The following ITPRID2 variants were observed in gnomAD, a reference collection of about 807,000 sequenced individuals.
The protein encoded by ITPRID2 is ITPR interacting domain containing 2.
Under a neutral mutation model 124.3 loss-of-function variants are expected in ITPRID2, and 60 were observed. The observed-to-expected ratio is 0.48, with a 90% confidence interval of 0.39 to 0.60. The LOEUF is 0.60. ITPRID2 is among the 20% of genes least tolerant of loss of function. The pLI, the probability that ITPRID2 is intolerant of heterozygous loss-of-function variation, is 0.00. For synonymous variants in ITPRID2, 521 were observed against 542.9 expected, an observed-to-expected ratio of 0.96 and a Z score of 0.56; for missense variants, 1,553 against 1,512.2, an observed-to-expected ratio of 1.03 and a Z score of -0.45.
chr2:181,915,660 A>G lies in ITPRID2; in HGVS notation c.2020A>G (p.Ser674Gly), dbSNP rs372607793. The stretch of plus-strand genomic sequence containing the variant: ...ATTGGCTTCTATTGAAGCTAAATGC[A>G]GTGATATGAGCTCTGAAAATACAAC... Reference protein sequence around the residue: ...KSLASIEAKCSDMSSENTTGP... With the variant: ...KSLASIEAKCGDMSSENTTGP... The change falls in exon 11 of 18, where the codon AGT becomes GGT. Residue 674 changes from serine (S) to glycine (G), a missense_variant. Physicochemically the swap from Ser to Gly is moderately conservative, Grantham distance 56. Transcript: ENST00000431877. 50 of 1,614,102 alleles carry G rather than the reference A, an allele frequency of 3.1e-5. No individual in the cohort carries two copies. Among genetic ancestry groups the G allele is most frequent in the African/African-American group, 9.3e-5 (7 of 74,938 alleles).
At chr2:181,898,090 T>C (rs1692357647) in intron 4 of ITPRID2, among the ~76,000 whole-genome samples, 1 of 152,066 alleles carries the variant, frequency 6.6e-6, no homozygotes. Context: ...TATGTTGTTT[T>C]ACTGAAAATT....
chr2:181,892,196 A>G lies in ITPRID2; in HGVS notation c.130A>G (p.Thr44Ala). The G allele has an allele frequency of 6.4e-7, 1 of 1,552,906 alleles. No individual in the cohort carries two copies. The change falls in exon 1 of 18, where the codon ACA (threonine) becomes GCA (alanine). Residue 44 changes from threonine to alanine, a missense_variant. Coordinates refer to ENST00000431877, the MANE Select transcript of ITPRID2 (RefSeq NM_001130445.3). This position sits in a 1 kb window ranked among gnomAD's most constrained non-coding sequence, Gnocchi z 5.2. ...AGCGTCGGAGACGGAGGATCTGTCC[A>G]CAGAAGCGACGACGCAGGACGAGGA... ...WQASETEDLS[T>A]EATTQDEEED...
chr2:181,892,050 G>A lies in ITPRID2; in HGVS notation c.-17G>A, dbSNP rs1258613068. The A allele has an allele frequency of 6.5e-7, 1 of 1,547,588 alleles. No homozygotes were observed. The highest frequency in any genetic ancestry group is 1.4e-5 in the African/African-American group (1 of 72,978). ...CGCGCAGGGTCCGGCTGGGGTAGCGGAGCCCCCAGTGCGGCCATGGACCGG... is the reference window on the plus strand; with the variant it reads ...CGCGCAGGGTCCGGCTGGGGTAGCGAAGCCCCCAGTGCGGCCATGGACCGG... On this transcript the variant is annotated 5_prime_UTR_variant, in exon 1 of 18. Transcript: ENST00000431877. This position sits in a 1 kb window ranked among gnomAD's most constrained non-coding sequence, Gnocchi z 5.2.
rs191771050 is a variant in ITPRID2 at position 181,902,285 on chromosome 2, G to T, written c.1232G>T (p.Gly411Val). The T allele has an allele frequency of 5.3e-5, 86 of 1,613,828 alleles. No individual in the cohort carries two copies. The highest frequency in any genetic ancestry group is 7.1e-5 in the Non-Finnish European group (84 of 1,179,884). Reference protein sequence around the residue: ...SHESKLGEESGIVESKLDSDF... With the variant: ...SHESKLGEESVIVESKLDSDF... Reference sequence around the variant, plus strand: ...GAGAGTAAACTGGGTGAGGAATCTGGTATTGTAGAATCCAAATTAGATAGT... The same window carrying T: ...GAGAGTAAACTGGGTGAGGAATCTGTTATTGTAGAATCCAAATTAGATAGT... The change falls in exon 8 of 18, where the codon GGT becomes GTT. Residue 411 changes from glycine (G) to valine (V), a missense_variant. Gly to Val is a moderately radical substitution (Grantham distance 109, BLOSUM62 -3). Coordinates refer to ENST00000431877, the MANE Select transcript of ITPRID2 (RefSeq NM_001130445.3). This position sits in a 1 kb window ranked among gnomAD's most constrained non-coding sequence, Gnocchi z 4.4.
In ITPRID2 at chr2:181,929,615, G is replaced by A; in HGVS notation, c.*68G>A. On this transcript the variant is annotated 3_prime_UTR_variant, in exon 18 of 18. Transcript: ENST00000431877. The stretch of plus-strand genomic sequence containing the variant: ...ACTGGAATTATCAATGATATGCACT[G>A]GTGGAGGTGTTATTTGTGCTTTAGA... 7 of 1,612,976 alleles carry A rather than the reference G, an allele frequency of 4.3e-6. No individual in the cohort carries two copies. The highest frequency in any genetic ancestry group is 5.9e-6 in the Non-Finnish European group (7 of 1,179,346).
chr2:181,900,949 C>T (rs746130614), intron 7 of ITPRID2, 45 bp downstream of exon 7: 39 of 1,407,696 alleles, frequency 2.8e-5, no homozygotes, highest in Non-Finnish European at 1.5e-5. Context: ...TAAATTATAG[C>T]ATCTACAGCA....
At chr2:181,906,878 T>C (rs897836124) in intron 8 of ITPRID2, among the ~76,000 whole-genome samples, 12 of 152,200 alleles carry the variant, frequency 7.9e-5, no homozygotes, top group African/African-American at 2.9e-4. Context: ...AGGTCAGATA[T>C]GTTGGTATGG....
chr2:181,891,981 G>T lies in ITPRID2; in HGVS notation c.-86G>T. ...GCTCCCCGGGGCCCCCTGCCCGGCC[G>T]GGCGCTGACAGCAAGGGCGGGGGTC... is the stretch of plus-strand genomic sequence containing the variant. On this transcript the variant is annotated 5_prime_UTR_variant, in exon 1 of 18. Coordinates refer to ENST00000431877, the MANE Select transcript of ITPRID2 (RefSeq NM_001130445.3). 2.5e-6 allele frequency: 3 copies of T among 1,185,342 alleles called. No individual in the cohort carries two copies. Among genetic ancestry groups the T allele is most frequent in the Non-Finnish European group, 3.3e-6 (3 of 909,680 alleles). 73.4% of individuals were successfully genotyped at this position (1,185,342 alleles called of 1,614,324 possible). A position where few individuals can be genotyped will look rare whatever the true frequency, so the allele number is the denominator to read the frequency against.
Position 181,918,893 on chromosome 2 carries a change from A to C in ITPRID2, c.2993+11A>C. Reference sequence around the variant, plus strand: ...GACTGAGGAGGAGAGGTAAAAGTTCATTTTGTCTTAGCACACCTCAAAAAG... The same window carrying C: ...GACTGAGGAGGAGAGGTAAAAGTTCCTTTTGTCTTAGCACACCTCAAAAAG... On this transcript the variant is annotated intron_variant, in intron 13 of 17. Coordinates refer to ENST00000431877, the MANE Select transcript of ITPRID2 (RefSeq NM_001130445.3). 1 of 1,612,722 alleles carries C rather than the reference A, an allele frequency of 6.2e-7. No individual in the cohort carries two copies. Among genetic ancestry groups the C allele is most frequent in the Non-Finnish European group, 8.5e-7 (1 of 1,179,750 alleles).
chr2:181,912,818 G>A (rs1222386575), intron 9 of ITPRID2, among the ~76,000 whole-genome samples: 1 of 152,102 alleles, frequency 6.6e-6, no homozygotes, highest in Non-Finnish European at 1.5e-5. Flanking sequence ...TTTTACTTAT[G>A]TAAAACATTA....
intron 2 of ITPRID2, 38 bp from the exon 3 acceptor site, chr2:181,895,992 T>G (rs1381110957): frequency 1.1e-5 from 17 of 1,594,318 alleles, no homozygotes; most frequent in Admixed American, 5.1e-5. Context: ...CAAATAGCCT[T>G]TCACAAGACT....
rs946654224 is a variant in ITPRID2 at position 181,910,958 on chromosome 2, C to G, written c.1486+987C>G. On this transcript the variant is annotated intron_variant, in intron 9 of 17. Coordinates refer to ENST00000431877, the MANE Select transcript of ITPRID2 (RefSeq NM_001130445.3). The surrounding 1 kb of genome is among the most constrained non-coding windows in gnomAD (Gnocchi z 4.1). ...GTTCATGGTCATCAAGAAGTGTTTG[C>G]TTTAGATAGGTAGACAGGGGATACA... Among the ~76,000 whole-genome samples the G allele has an allele frequency of 1.7e-4, 26 of 152,040 alleles. No homozygotes were observed. Among genetic ancestry groups the G allele is most frequent in the African/African-American group, 5.6e-4 (23 of 41,404 alleles).
At chr2:181,918,384 C>A in intron 11 of ITPRID2, 1 of 1,319,682 alleles carries the variant, frequency 7.6e-7, no homozygotes, top group South Asian at 2.4e-5. Flanking sequence ...CCTCCTCCTC[C>A]CACGTAGATT....
At chr2:181,909,836 C>T (rs1693459164) in intron 8 of ITPRID2, 63 bp from the exon 9 acceptor site, 2 of 1,225,074 alleles carry the variant, frequency 1.6e-6, no homozygotes, top group East Asian at 2.4e-5. Context: ...GATATTTATT[C>T]AAGAAGTTAT....
chr2:181,928,022 CT>C, intron 16 of ITPRID2, 138 bp from the exon 17 acceptor site: 1 of 599,404 alleles, frequency 1.7e-6, no homozygotes, highest in South Asian at 2.1e-5. Context: ...CGATTCCCCA[CT>C]CCCTCTCTGT....
intron 4 of ITPRID2, among the ~76,000 whole-genome samples, chr2:181,897,447 T>C (rs900210284): frequency 6.6e-6 from 1 of 152,048 alleles, no homozygotes; most frequent in Non-Finnish European, 1.5e-5. Flanking sequence ...ATAGCAGAGC[T>C]AATAGAATTT....
Position 181,902,618 on chromosome 2 carries a change from A to G in ITPRID2, c.1413+152A>G. 2 of 622,790 alleles carry G rather than the reference A, an allele frequency of 3.2e-6. No individual in the cohort carries two copies. Among genetic ancestry groups the G allele is most frequent in the Non-Finnish European group, 5.3e-6 (2 of 377,978 alleles). 38.6% of individuals were successfully genotyped at this position (622,790 alleles called of 1,614,324 possible). A position where few individuals can be genotyped will look rare whatever the true frequency, so the allele number is the denominator to read the frequency against. Reference sequence around the variant, plus strand: ...CAGGTTTATGTTTCACAAACCAAGAATTGGTCTCAGGATAATGTGATGTCG... The same window carrying G: ...CAGGTTTATGTTTCACAAACCAAGAGTTGGTCTCAGGATAATGTGATGTCG... On this transcript the variant is annotated intron_variant, in intron 8 of 17. Transcript: ENST00000431877. The surrounding 1 kb of genome is among the most constrained non-coding windows in gnomAD (Gnocchi z 4.4).
In ITPRID2 at chr2:181,918,593, T is replaced by C; in HGVS notation, c.2788-5T>C. 2 of 1,613,534 alleles carry C rather than the reference T, an allele frequency of 1.2e-6. No individual in the cohort carries two copies. The highest frequency in any genetic ancestry group is 1.7e-6 in the Non-Finnish European group (2 of 1,179,768). On this transcript the variant is annotated splice_polypyrimidine_tract_variant and splice_region_variant and intron_variant, in intron 11 of 17. Transcript: ENST00000431877. Reference sequence around the variant, plus strand: ...GGTTTTAATCCTACTTTTACTTTTTTGAAGTACCCTATGATGAGAGGACCT... The same window carrying C: ...GGTTTTAATCCTACTTTTACTTTTTCGAAGTACCCTATGATGAGAGGACCT...
rs116250893 is a variant in ITPRID2 at position 181,902,551 on chromosome 2, A to G, written c.1413+85A>G. Reference sequence around the variant, plus strand: ...AATGCTTATAAAATGAGAGGTAGCTAATAGATTTATACTAGAAAAATTTAT... The same window carrying G: ...AATGCTTATAAAATGAGAGGTAGCTGATAGATTTATACTAGAAAAATTTAT... On this transcript the variant is annotated intron_variant, in intron 8 of 17. Transcript: ENST00000431877. This position sits in a 1 kb window ranked among gnomAD's most constrained non-coding sequence, Gnocchi z 4.4. 1.8e-3 allele frequency: 1,859 copies of G among 1,005,478 alleles called. 28 individuals carry two copies. The African/African-American group carries it at 0.028, about 15-fold the overall frequency. 62.3% of individuals were successfully genotyped at this position (1,005,478 alleles called of 1,614,324 possible).
Sources: allele counts gnomAD v4.1 joint callset (sites outside exome capture counted in the v4.1 genomes callset), GRCh38; gene constraint gnomAD v4.1.1; non-coding constraint Gnocchi (gnomAD v3.1); transcripts MANE v1.5; gene names NCBI Gene and HGNC (gene_info 2026-07-23, HGNC 2026-07-21).